NUB1: variants seen among roughly 807,000 people sequenced by gnomAD.
NUB1 encodes negative regulator of ubiquitin like proteins 1.
A neutral mutation model predicts 77.1 loss-of-function variants in NUB1; 41 were observed. That is an observed-to-expected ratio of 0.53 (90% CI 0.41 to 0.69). NUB1 has a LOEUF of 0.69. Ranked by LOEUF, NUB1 falls within the 30% of genes least tolerant of loss-of-function variation. The pLI, the probability that NUB1 is intolerant of heterozygous loss-of-function variation, is 0.00. For synonymous variants in NUB1, 257 were observed against 281.0 expected (o/e 0.91, Z 0.85); for missense variants, 643 against 743.8 (o/e 0.86, Z 1.58).
At chr7:151,355,559 G>C (rs562528887) in intron 5 of NUB1, among the ~76,000 whole-genome samples, 186 of 152,342 alleles carry the variant, frequency 1.2e-3, no homozygotes, top group Admixed American at 4.1e-3. Context: ...TGTAGTCCCA[G>C]CTCCTCGGGA....
intron 11 of NUB1, among the ~76,000 whole-genome samples, chr7:151,370,979 AG>A (rs1797933043): frequency 6.6e-6 from 1 of 152,212 alleles, no homozygotes; most frequent in African/African-American, 2.4e-5. Context: ...GAGAGGCCAC[AG>A]GACAGGTACT....
chr7:151,347,505 T>C (rs408091), intron 2 of NUB1, among the ~76,000 whole-genome samples: 101,900 of 151,980 alleles, frequency 0.67, 34,814 homozygotes, highest in East Asian at 0.98. Context: ...TTGCCCAGGC[T>C]GGAGTGCAAT....
chr7:151,342,113 G>T (rs1443768727), intron 1 of NUB1: 7 of 445,476 alleles, frequency 1.6e-5, no homozygotes, highest in Non-Finnish European at 2.6e-5. Context: ...AATATTGAGT[G>T]TATCGGTTTG....
chr7:151,351,654 G>A (rs1417988487), intron 4 of NUB1, among the ~76,000 whole-genome samples, 172 bp downstream of exon 4: 1 of 152,132 alleles, frequency 6.6e-6, no homozygotes, highest in African/African-American at 2.4e-5. Context: ...TCACTGGTAG[G>A]TAAGTGGCAA....
chr7:151,352,795 C>G lies in NUB1; in HGVS notation c.345-17C>G. 1.4e-6 allele frequency: 2 copies of G among 1,451,260 alleles called. No individual in the cohort carries two copies. Among genetic ancestry groups the G allele is most frequent in the Non-Finnish European group, 1.9e-6 (2 of 1,041,124 alleles). The allele number at this position is 1,451,260 out of a possible 1,614,324, so 89.9% of individuals were successfully genotyped here. A position where few individuals can be genotyped will look rare whatever the true frequency, so the allele number is the denominator to read the frequency against. On this transcript the variant is annotated splice_polypyrimidine_tract_variant and intron_variant, in intron 4 of 14. Transcript: ENST00000568733. ...CAATTTTGTTTTCCTACAATTTTCA[C>G]TGGTTTTATTTTACAGAATAGCTGA...
chr7:151,346,723 T>C (rs568021573), intron 2 of NUB1, among the ~76,000 whole-genome samples: 1 of 152,236 alleles, frequency 6.6e-6, no homozygotes, highest in Non-Finnish European at 1.5e-5. Context: ...TTCCAGACCT[T>C]GCCTTAGTAC....
chr7:151,355,800 A>T lies in NUB1; in HGVS notation c.448A>T (p.Asn150Tyr). Reference protein sequence around the residue: ...KTLEEQGVAHNVKAMVLELKQ... With the variant: ...KTLEEQGVAHYVKAMVLELKQ... ...CCTTGAAGAACAAGGCGTGGCTCAC[A>T]ATGTGAAAGCGATGGTGCTTGAACT... Residue 150 changes from asparagine (N) to tyrosine (Y), a missense_variant, in exon 6 of 15, where the codon AAT becomes TAT. By Grantham distance (143) the Asn-to-Tyr change is moderately radical. Transcript: ENST00000568733. 1 of 1,606,160 alleles carries T rather than the reference A, an allele frequency of 6.2e-7. No individual in the cohort carries two copies. The highest frequency in any genetic ancestry group is 2.2e-5 in the East Asian group (1 of 44,700).
chr7:151,374,289 T>C (rs1798102737), intron 12 of NUB1, 46 bp downstream of exon 12: 1 of 1,545,076 alleles, frequency 6.5e-7, no homozygotes, highest in Admixed American at 2.0e-5. Flanking sequence ...GAGCAGTGGG[T>C]CCTGCCCAGA....
intron 11 of NUB1, 35 bp downstream of exon 11, chr7:151,368,922 A>G (rs1797832387): frequency 6.4e-7 from 1 of 1,561,116 alleles, no homozygotes; most frequent in African/African-American, 1.4e-5. Flanking sequence ...TCTCTTGGGT[A>G]TGAAAGAACA....
intron 7 of NUB1, among the ~76,000 whole-genome samples, chr7:151,358,513 A>G (rs1042646896): frequency 6.6e-6 from 1 of 152,190 alleles, no homozygotes; most frequent in East Asian, 1.9e-4. Flanking sequence ...TCTTAGGAGC[A>G]TGAACCCTAT....
intron 5 of NUB1, among the ~76,000 whole-genome samples, chr7:151,354,589 G>T (rs1796972539): frequency 6.6e-6 from 1 of 152,046 alleles, no homozygotes; most frequent in South Asian, 2.1e-4. Flanking sequence ...TATTCATGGA[G>T]CCAGCTTTTG....
rs369943539 is a variant in NUB1, at chr7:151,368,868, A to C, written c.1229A>C (p.His410Pro). ...GGGAACGTGGATCATGCGGCCACTC[A>C]TATTACCAACCGCAGAGAGGTACCC... ...CDGNVDHAAT[H>P]ITNRREELAQ... The change falls in exon 11 of 15, where the codon CAT (histidine) becomes CCT (proline). Residue 410 changes from histidine (H) to proline (P), a missense_variant. Physicochemically the swap from His to Pro is moderately conservative, Grantham distance 77 (BLOSUM62 -2). Transcript: ENST00000568733. 5.5e-5 allele frequency: 88 copies of C among 1,613,442 alleles called. No individual in the cohort carries two copies. The highest frequency in any genetic ancestry group is 7.0e-5 in the Non-Finnish European group (83 of 1,179,744).
At chr7:151,345,166 GAAC>G (rs1796444774) in intron 1 of NUB1, among the ~76,000 whole-genome samples, 179 bp from the exon 2 acceptor site, 1 of 151,378 alleles carries the variant, frequency 6.6e-6, no homozygotes, top group South Asian at 2.1e-4. Context: ...ATATATAATT[GAAC>G]ATATATTTCT....
At chr7:151,357,667 T>C (rs1175215441) in intron 7 of NUB1, among the ~76,000 whole-genome samples, 1 of 151,630 alleles carries the variant, frequency 6.6e-6, no homozygotes, top group Non-Finnish European at 1.5e-5. Flanking sequence ...TGGAGTGCAG[T>C]GGTGCGATCT....
At position 151,355,845 on chromosome 7, in the gene NUB1, G is replaced by A. The variant is rs572018778; in HGVS notation, c.493G>A (p.Ala165Thr). The A allele has an allele frequency of 1.2e-5, 20 of 1,612,816 alleles. No homozygotes were observed. The highest frequency in any genetic ancestry group is 1.1e-4 in the South Asian group (10 of 90,810). The part of the protein sequence containing the change: ...VLELKQSEED[A>T]RKNFQLEEEE... ...TGAACTAAAACAATCTGAAGAGGAC[G>A]CGAGGAAAAACTTCCAGTTAGAGGA... Residue 165 changes from alanine to threonine, a missense_variant, in exon 6 of 15, where the codon GCG (alanine) becomes ACG (threonine). Ala to Thr is a moderately conservative substitution (Grantham distance 58). Coordinates refer to ENST00000568733, the MANE Select transcript of NUB1 (RefSeq NM_001243351.2).
chr7:151,356,925 C>T lies in NUB1; in HGVS notation c.693+703C>T, dbSNP rs191905640. On this transcript the variant is annotated intron_variant, in intron 7 of 14. Transcript: ENST00000568733. ...AGAGACAGGGTTTCTCCATGTTGGTCAGGCTAGTCTTGAACTCCCGACCTC... is the reference window on the plus strand; with the variant it reads ...AGAGACAGGGTTTCTCCATGTTGGTTAGGCTAGTCTTGAACTCCCGACCTC... Among the ~76,000 whole-genome samples, 7 of 152,256 alleles carry T rather than the reference C, an allele frequency of 4.6e-5. No individual in the cohort carries two copies. The East Asian group carries it at 9.7e-4, about 21-fold the overall frequency.
Position 151,377,427 on chromosome 7 carries a change from G to GC in NUB1, c.*203dup. 1 of 435,654 alleles carries GC rather than the reference G, an allele frequency of 2.3e-6. No individual in the cohort carries two copies. The highest frequency in any genetic ancestry group is 4.1e-6 in the Non-Finnish European group (1 of 245,736). The allele number at this position is 435,654 out of a possible 1,614,324, so 27.0% of individuals were successfully genotyped here. A position where few individuals can be genotyped will look rare whatever the true frequency, so the allele number is the denominator to read the frequency against. On this transcript the variant is annotated 3_prime_UTR_variant, in exon 15 of 15. Coordinates refer to ENST00000568733, the MANE Select transcript of NUB1 (RefSeq NM_001243351.2). ...GGGAAGAAGCTTCCTCTGGCCTGGC[G>GC]CAGGCCGTTCCATCTGCCTCCCAGG...
intron 11 of NUB1, 142 bp downstream of exon 11, chr7:151,369,029 ACAGAGTCTCACTTTGTCATC>A: frequency 1.0e-6 from 1 of 959,796 alleles, no homozygotes; most frequent in East Asian, 2.9e-5. Flanking sequence ...TTTTCTTGAG[ACAGAGTCTCACTTTGTCATC>A]CAGGCTGGAG....
chr7:151,345,247 G>A, intron 1 of NUB1, 101 bp from the exon 2 acceptor site: 1 of 680,752 alleles, frequency 1.5e-6, no homozygotes, highest in East Asian at 2.8e-5. Context: ...GACAGAGGAA[G>A]GGAGCTTTGC....
Sources: gnomAD v4.1 joint callset for allele counts (sites outside exome capture counted in the v4.1 genomes callset) on GRCh38, gnomAD v4.1.1 for gene constraint, MANE v1.5 for transcripts, NCBI Gene and HGNC (gene_info 2026-07-23, HGNC 2026-07-21) for gene names.